GNPDA1: variants seen among roughly 807,000 people sequenced by gnomAD.
GNPDA1 encodes the protein glucosamine-6-phosphate deaminase 1.
Under a neutral mutation model 28.5 loss-of-function variants are expected in GNPDA1, and 24 were observed. The ratio of observed to expected loss-of-function variants is 0.84; its 90% confidence interval spans 0.61 to 1.19. The LOEUF (loss-of-function observed/expected upper bound fraction) is 1.19, where lower values mean the gene tolerates loss of function less well. GNPDA1 is among the 50% of genes most tolerant of loss of function. The pLI is 0.00. For synonymous variants in GNPDA1, 147 were observed against 139.3 expected, an observed-to-expected ratio of 1.06 and a Z score of -0.39; for missense variants, 264 against 367.3, an observed-to-expected ratio of 0.72 and a Z score of 2.30.
chr5:142,006,461 C>A, intron 3 of GNPDA1, 135 bp from the exon 4 acceptor site: 1 of 625,550 alleles, frequency 1.6e-6, no homozygotes, highest in Admixed American at 2.9e-5. Context: ...AGGCACCAGC[C>A]CTCTGACCCC....
In GNPDA1 at chr5:142,006,325, G is replaced by A. The variant is rs1276842409; in HGVS notation, c.228C>T (p.Gly76=). 1 of 1,610,918 alleles carries A rather than the reference G, an allele frequency of 6.2e-7. No individual in the cohort carries two copies. Among genetic ancestry groups the A allele is most frequent in the Non-Finnish European group, 8.5e-7 (1 of 1,178,250 alleles). ...VKTFNMDEYV[G]LPRDHPESYH... The stretch of plus-strand genomic sequence containing the variant: ...AACTCTCCGGGTGGTCTCGAGGAAG[G>A]CCTGTGGGGCCGTGAGACACTCGGT... The change falls in exon 4 of 7, where the codon GGC becomes GGT. Residue 76 remains glycine, a splice_region_variant and synonymous_variant. Transcript: ENST00000311337.
chr5:142,011,545 A>T lies in GNPDA1; in HGVS notation c.124+367T>A, dbSNP rs112841959. On this transcript the variant is annotated intron_variant, in intron 2 of 6. Coordinates refer to ENST00000311337, the MANE Select transcript of GNPDA1 (RefSeq NM_005471.5). Reference sequence around the variant, plus strand: ...CTCCCAAGGATGGTACTTAGCTGGTACCCCTCTAGATGCAGAGAAGAGAAA... The same window carrying T: ...CTCCCAAGGATGGTACTTAGCTGGTTCCCCTCTAGATGCAGAGAAGAGAAA... 1.6e-3 allele frequency among the ~76,000 whole-genome samples: 245 copies of T among 152,338 alleles called. 1 individual carries two copies. Among genetic ancestry groups the T allele is most frequent in the African/African-American group, 5.5e-3 (230 of 41,570 alleles).
chr5:142,002,933 G>A (rs1755711964), intron 6 of GNPDA1, among the ~76,000 whole-genome samples, 155 bp downstream of exon 6: 1 of 152,184 alleles, frequency 6.6e-6, no homozygotes. Flanking sequence ...ACAGGCAGAA[G>A]AGAAATGACT....
At chr5:142,008,755 AAC>A (rs1402091849) in intron 2 of GNPDA1, among the ~76,000 whole-genome samples, 1 of 152,130 alleles carries the variant, frequency 6.6e-6, no homozygotes, top group Non-Finnish European at 1.5e-5. Context: ...ATGTCATAAA[AAC>A]ACACACACAA....
At chr5:142,006,008 G>C (rs1006023313) in intron 4 of GNPDA1, 136 bp downstream of exon 4, 13 of 677,878 alleles carry the variant, frequency 1.9e-5, no homozygotes, top group African/African-American at 3.6e-5. Flanking sequence ...GAGCCAGGCA[G>C]GGCCCATTTC....
chr5:142,005,909 TCA>T (rs1755790566), intron 4 of GNPDA1: 1 of 425,960 alleles, frequency 2.3e-6, no homozygotes, highest in Non-Finnish European at 4.3e-6. Context: ...AGACAGAATC[TCA>T]GAGTCCAAAC....
chr5:142,007,708 G>T, intron 3 of GNPDA1, 91 bp downstream of exon 3: 1 of 747,052 alleles, frequency 1.3e-6, no homozygotes, highest in Non-Finnish European at 2.4e-6. Context: ...AATGTCACTG[G>T]CTCCCCGATT....
intron 2 of GNPDA1, 55 bp downstream of exon 2, chr5:142,011,857 T>C: frequency 6.2e-7 from 1 of 1,600,228 alleles, no homozygotes; most frequent in Non-Finnish European, 8.6e-7. Flanking sequence ...ACCTGGCCCC[T>C]GTTGCCTACT....
chr5:142,004,701 C>G (rs1003678216), intron 5 of GNPDA1, among the ~76,000 whole-genome samples: 2 of 152,192 alleles, frequency 1.3e-5, no homozygotes, highest in Admixed American at 6.5e-5. Flanking sequence ...CTGTCTCAGG[C>G]AGTCAGCCAA....
rs950442175 is a variant in GNPDA1, at chr5:142,003,722, T to A, written c.595-460A>T. Among the ~76,000 whole-genome samples, 1 of 152,240 alleles carries A rather than the reference T, an allele frequency of 6.6e-6. No homozygotes were observed. The highest frequency in any genetic ancestry group is 2.4e-5 in the African/African-American group (1 of 41,472). On this transcript the variant is annotated intron_variant, in intron 5 of 6. Transcript: ENST00000311337. The surrounding 1 kb of genome is among the most constrained non-coding windows in gnomAD (Gnocchi z 4.0). ...GAGTTATCTGTGGGGCCTCTAAGGC[T>A]GAATCCCAGAAAGGTTGCCCCATTA...
rs542860355 is a variant in GNPDA1, at chr5:142,003,967, C to T, written c.595-705G>A. On this transcript the variant is annotated intron_variant, in intron 5 of 6. Coordinates refer to ENST00000311337, the MANE Select transcript of GNPDA1 (RefSeq NM_005471.5). This position sits in a 1 kb window ranked among gnomAD's most constrained non-coding sequence, Gnocchi z 4.0. ...CTTTCATTTTAATTCACATGTGCCA[C>T]AGAGTTGTGAACAGGATTTACTGTT... Among the ~76,000 whole-genome samples, 5 of 152,282 alleles carry T rather than the reference C, an allele frequency of 3.3e-5. No homozygotes were observed. The South Asian group carries it at 8.3e-4, about 25-fold the overall frequency.
chr5:142,001,741 A>G lies in GNPDA1; in HGVS notation c.*288T>C. 3.8e-6 allele frequency: 1 copy of G among 264,228 alleles called. No homozygotes were observed. Among genetic ancestry groups the G allele is most frequent in the South Asian group, 7.8e-5 (1 of 12,744 alleles). 16.4% of individuals were successfully genotyped at this position (264,228 alleles called of 1,614,324 possible). On this transcript the variant is annotated 3_prime_UTR_variant, in exon 7 of 7. Coordinates refer to ENST00000311337, the MANE Select transcript of GNPDA1 (RefSeq NM_005471.5). ...CGGGAGTGTGTCATATGTGTGAACCATGGCTGAAGCAGAACAAAAAGTTTA... is the reference window on the plus strand; with the variant it reads ...CGGGAGTGTGTCATATGTGTGAACCGTGGCTGAAGCAGAACAAAAAGTTTA...
chr5:142,006,783 T>A (rs973120677), intron 3 of GNPDA1, among the ~76,000 whole-genome samples: 1 of 150,832 alleles, frequency 6.6e-6, no homozygotes, highest in Non-Finnish European at 1.5e-5. Flanking sequence ...GAACACCAGG[T>A]GGTTAGAGAG....
intron 5 of GNPDA1, among the ~76,000 whole-genome samples, chr5:142,004,716 A>G (rs998347616): frequency 4.6e-5 from 7 of 152,252 alleles, no homozygotes; most frequent in Non-Finnish European, 1.0e-4. Flanking sequence ...AGCCAAAGGC[A>G]CCAAAAACGT....
intron 3 of GNPDA1, among the ~76,000 whole-genome samples, chr5:142,006,840 G>T: frequency 6.7e-6 from 1 of 148,262 alleles, no homozygotes; most frequent in South Asian, 2.1e-4. Context: ...TTTTGGCCAG[G>T]AAAAAAAAAT....
rs771192417 is a variant in GNPDA1 at position 142,001,990 on chromosome 5, C to T, written c.*39G>A. 4.9e-6 allele frequency: 5 copies of T among 1,015,166 alleles called. No individual in the cohort carries two copies. The highest frequency in any genetic ancestry group is 3.9e-5 in the Admixed American group (2 of 50,940). The allele number at this position is 1,015,166 out of a possible 1,614,324, so 62.9% of individuals were successfully genotyped here. On this transcript the variant is annotated 3_prime_UTR_variant, in exon 7 of 7. Coordinates refer to ENST00000311337, the MANE Select transcript of GNPDA1 (RefSeq NM_005471.5). ...AAAGACAATTTCCAGAAAGACCTGC[C>T]TTTCCCTATGGGTACTTGACACTAG... is the stretch of plus-strand genomic sequence containing the variant.
chr5:142,006,431 T>A, intron 3 of GNPDA1, 105 bp from the exon 4 acceptor site: 4 of 802,848 alleles, frequency 5.0e-6, no homozygotes, highest in Non-Finnish European at 8.0e-6. Context: ...CTCCCAGGGG[T>A]CTGCCCATCT....
rs189431136 is a variant in GNPDA1, at chr5:142,010,593, G to A, written c.124+1319C>T. On this transcript the variant is annotated intron_variant, in intron 2 of 6. Transcript: ENST00000311337. Reference sequence around the variant, plus strand: ...TTGCACAATCATGGTTCACTGCCTCGACCTCCTGGCCCAAGCAATACTCAC... The same window carrying A: ...TTGCACAATCATGGTTCACTGCCTCAACCTCCTGGCCCAAGCAATACTCAC... Among the ~76,000 whole-genome samples, 522 of 148,044 alleles carry A rather than the reference G, an allele frequency of 3.5e-3. 5 individuals are homozygous for A. Among genetic ancestry groups the A allele is most frequent in the Admixed American group, 6.6e-3 (97 of 14,740 alleles).
intron 3 of GNPDA1, among the ~76,000 whole-genome samples, chr5:142,006,600 G>C (rs1303084225): frequency 1.3e-5 from 2 of 152,190 alleles, no homozygotes; most frequent in Non-Finnish European, 2.9e-5. Context: ...ATTCTGATCT[G>C]ATCTGCTTTT....
Sources: allele counts gnomAD v4.1 joint callset (sites outside exome capture counted in the v4.1 genomes callset), GRCh38; gene constraint gnomAD v4.1.1; non-coding constraint Gnocchi (gnomAD v3.1); transcripts MANE v1.5; gene names NCBI Gene and HGNC (gene_info 2026-07-23, HGNC 2026-07-21).